The following CFAP92 variants were observed in gnomAD, a reference collection of about 807,000 sequenced individuals.
The protein encoded by CFAP92 is uncharacterized protein CFAP92.
CFAP92 carries 86 observed loss-of-function variants against 106.3 expected under a neutral mutation model. That is an observed-to-expected ratio of 0.81 (90% CI 0.68 to 0.97). The LOEUF (loss-of-function observed/expected upper bound fraction) is 0.97, where lower values mean the gene tolerates loss of function less well. Ranked by LOEUF, CFAP92 falls within the 50% of genes least tolerant of loss-of-function variation. The pLI is 0.00. For missense variants in CFAP92, 1,204 were observed against 1,283.8 expected, an observed-to-expected ratio of 0.94 and a Z score of 0.95; for synonymous variants, 477 against 506.4, an observed-to-expected ratio of 0.94 and a Z score of 0.78.
intron 9 of CFAP92, among the ~76,000 whole-genome samples, chr3:128,959,420 T>C (rs1186804889): frequency 6.6e-6 from 1 of 151,754 alleles, no homozygotes; most frequent in Non-Finnish European, 1.5e-5. Context: ...TAAAAAAAGG[T>C]AGAAAAAAAT....
intron 12 of CFAP92, among the ~76,000 whole-genome samples, chr3:128,921,243 TAG>T (rs1234809219): frequency 6.6e-6 from 1 of 152,016 alleles, no homozygotes; most frequent in Non-Finnish European, 1.5e-5. Flanking sequence ...GAAGGAACAC[TAG>T]AGTGTGTGAA....
intron 12 of CFAP92, among the ~76,000 whole-genome samples, chr3:128,922,955 T>C (rs1937416882): frequency 6.6e-6 from 1 of 152,208 alleles, no homozygotes; most frequent in South Asian, 2.1e-4. Flanking sequence ...CTGTGCCTTC[T>C]GTTAGAAGGG....
chr3:128,920,911 T>G (rs1196254751), intron 12 of CFAP92, among the ~76,000 whole-genome samples: 1 of 152,240 alleles, frequency 6.6e-6, no homozygotes, highest in Non-Finnish European at 1.5e-5. Context: ...CGTTTCCCAT[T>G]ATCTCAAGTA....
intron 12 of CFAP92, among the ~76,000 whole-genome samples, chr3:128,922,148 G>T (rs544255830): frequency 4.6e-5 from 7 of 151,926 alleles, no homozygotes; most frequent in Non-Finnish European, 7.4e-5. Flanking sequence ...GACCATTCTG[G>T]CTAACACGGT....
chr3:128,942,355 T>C (rs1295628399), intron 10 of CFAP92, among the ~76,000 whole-genome samples: 1 of 152,224 alleles, frequency 6.6e-6, no homozygotes. Context: ...GCAAGCACAC[T>C]GCAGCCAGGC....
chr3:128,979,946 TAA>T (rs1491351079), intron 4 of CFAP92, among the ~76,000 whole-genome samples: 15 of 43,266 alleles, frequency 3.5e-4, no homozygotes, highest in African/African-American at 9.7e-4. Flanking sequence ...TAAAGTATAA[TAA>T]TATATATATA....
chr3:128,991,642 T>C, intron 2 of CFAP92: 1 of 306,476 alleles, frequency 3.3e-6, no homozygotes, highest in Middle Eastern at 1.4e-3. Flanking sequence ...TATAAAACCT[T>C]TGCCCCGTCC....
chr3:128,971,195 C>T (rs776580101), intron 8 of CFAP92, 92 bp downstream of exon 8: 19 of 1,590,198 alleles, frequency 1.2e-5, no homozygotes, highest in African/African-American at 2.7e-5. Context: ...TGAGGTGGCA[C>T]GCAGCAGGGT....
chr3:129,025,283 C>T, the CFAP92 span, among the ~76,000 whole-genome samples: 2 of 151,956 alleles, frequency 1.3e-5, no homozygotes, highest in Non-Finnish European at 2.9e-5. Context: ...GGCTCACCGG[C>T]ATTAGGGGTC....
rs560850210 is a variant in CFAP92, at chr3:128,926,738, A to G, written c.2751+5962T>C. On this transcript the variant is annotated intron_variant, in intron 12 of 15. Coordinates refer to ENST00000645291, the MANE Select transcript of CFAP92 (RefSeq NM_001394090.1). ...TGGCTCTATTTGGAGTAGGGAAGTA[A>G]TTAAGGTTAAATGAGGTCATAAGGT... 8.5e-5 allele frequency among the ~76,000 whole-genome samples: 13 copies of G among 152,260 alleles called. No individual in the cohort carries two copies. The South Asian group carries it at 2.7e-3, about 32-fold the overall frequency.
At chr3:128,950,076 AT>A (rs1940631189) in intron 9 of CFAP92, among the ~76,000 whole-genome samples, 1 of 152,238 alleles carries the variant, frequency 6.6e-6, no homozygotes, top group Non-Finnish European at 1.5e-5. Context: ...TTTAAAAAAA[AT>A]AACAGAGGGT....
intron 12 of CFAP92, among the ~76,000 whole-genome samples, chr3:128,917,876 C>T (rs1426317207): frequency 6.6e-6 from 1 of 152,020 alleles, no homozygotes; most frequent in Admixed American, 6.6e-5. Context: ...ACAGAAATCC[C>T]AAAAGGAGGG....
At chr3:129,002,328 C>T (rs1944825406) in intron 1 of CFAP92, 1 of 1,512,960 alleles carries the variant, frequency 6.6e-7, no homozygotes, top group Admixed American at 2.1e-5. Context: ...ACTGCAGGTG[C>T]GCGCCGGCCA....
intron 9 of CFAP92, among the ~76,000 whole-genome samples, chr3:128,963,834 C>A (rs973763026): frequency 2.0e-5 from 3 of 150,556 alleles, no homozygotes; most frequent in African/African-American, 2.5e-5. Context: ...TTCTACTACT[C>A]CTCAGGGATT....
chr3:128,910,764 C>T lies in CFAP92; in HGVS notation c.3281-431G>A, dbSNP rs147040198. ...AGGTTCTCTTGGCCAACACCTTCTG[C>T]GTGGAAGCTTACTTGCAGAATCTCT... On this transcript the variant is annotated intron_variant, in intron 15 of 15. Coordinates refer to ENST00000645291, the MANE Select transcript of CFAP92 (RefSeq NM_001394090.1). 141 of 1,614,160 alleles carry T rather than the reference C, an allele frequency of 8.7e-5. No homozygotes were observed. The African/African-American group carries it at 1.4e-3, about 16-fold the overall frequency.
chr3:128,985,005 CAT>C (rs1391723936), intron 4 of CFAP92, among the ~76,000 whole-genome samples: 1 of 152,208 alleles, frequency 6.6e-6, no homozygotes, highest in South Asian at 2.1e-4. Context: ...GGACAGGAAT[CAT>C]GTGGTTTTAA....
intron 3 of CFAP92, 42 bp downstream of exon 3, chr3:128,988,686 G>A: frequency 1.3e-6 from 2 of 1,590,066 alleles, no homozygotes; most frequent in Non-Finnish European, 1.7e-6. Context: ...TTCGTGATGA[G>A]CATCAGACCA....
chr3:128,961,446 C>T (rs1374385309), intron 9 of CFAP92, among the ~76,000 whole-genome samples: 4 of 152,230 alleles, frequency 2.6e-5, no homozygotes, highest in African/African-American at 4.8e-5. Context: ...CTCCGCTCCT[C>T]CACCCTATAA....
intron 9 of CFAP92, among the ~76,000 whole-genome samples, chr3:128,949,747 C>T (rs6439149): frequency 0.015 from 2,332 of 152,242 alleles, 51 homozygotes; most frequent in African/African-American, 0.053. Flanking sequence ...AGTGCAATGG[C>T]GCGATCTTGG....
Sources: gnomAD v4.1 joint callset for allele counts (sites outside exome capture counted in the v4.1 genomes callset) on GRCh38, gnomAD v4.1.1 for gene constraint, MANE v1.5 for transcripts, NCBI Gene and HGNC (gene_info 2026-07-23, HGNC 2026-07-21) for gene names.